The following STARD3NL variants were observed in gnomAD, a reference collection of about 807,000 sequenced individuals.
The protein encoded by STARD3NL is STARD3 N-terminal like.
STARD3NL carries 17 observed loss-of-function variants against 30.9 expected under a neutral mutation model. That is an observed-to-expected ratio of 0.55 (90% CI 0.38 to 0.82). The LOEUF (loss-of-function observed/expected upper bound fraction) is 0.82, where lower values mean the gene tolerates loss of function less well. Among genes scored for constraint, STARD3NL ranks in the 40% least tolerant of loss-of-function variants. The pLI, the probability that STARD3NL is intolerant of heterozygous loss-of-function variation, is 0.00. For missense variants in STARD3NL, 234 were observed against 277.6 expected (o/e 0.84, Z 1.12); for synonymous variants, 112 against 100.5 (o/e 1.11, Z -0.69).
intron 1 of STARD3NL, among the ~76,000 whole-genome samples, chr7:38,189,603 G>A (rs1784600200): frequency 6.6e-6 from 1 of 152,216 alleles, no homozygotes. Context: ...ATTGGATGAT[G>A]TGACTCCACT....
intron 2 of STARD3NL, among the ~76,000 whole-genome samples, chr7:38,213,617 T>C (rs1785935149): frequency 6.6e-6 from 1 of 152,212 alleles, no homozygotes; most frequent in Admixed American, 6.5e-5. Flanking sequence ...ACAGTTACCC[T>C]GCTTGGGTGC....
rs187800870 is a variant in STARD3NL, at chr7:38,205,302, T to C, written c.-58-2145T>C. Among the ~76,000 whole-genome samples the C allele has an allele frequency of 1.7e-3, 264 of 152,356 alleles. 1 individual carries two copies. The highest frequency in any genetic ancestry group is 6.2e-3 in the African/African-American group (257 of 41,588). On this transcript the variant is annotated intron_variant, in intron 1 of 8. Coordinates refer to ENST00000009041, the MANE Select transcript of STARD3NL (RefSeq NM_032016.4). Reference sequence around the variant, plus strand: ...GCTTATCCACCATGATCAATTGGGCTTCATCCCTGGGATGCAAGGCTGGTT... The same window carrying C: ...GCTTATCCACCATGATCAATTGGGCCTCATCCCTGGGATGCAAGGCTGGTT...
chr7:38,225,786 G>T (rs140634520), intron 7 of STARD3NL, among the ~76,000 whole-genome samples: 52 of 152,138 alleles, frequency 3.4e-4, no homozygotes, highest in African/African-American at 1.2e-3. Flanking sequence ...TTGCTTTAGT[G>T]ATATCACATG....
chr7:38,184,676 A>G (rs1408606044), intron 1 of STARD3NL, among the ~76,000 whole-genome samples: 3 of 146,728 alleles, frequency 2.0e-5, no homozygotes, highest in African/African-American at 7.4e-5. Flanking sequence ...TATATACTAT[A>G]TATATAATAT....
chr7:38,188,331 G>T (rs573658131), intron 1 of STARD3NL, among the ~76,000 whole-genome samples: 1 of 152,232 alleles, frequency 6.6e-6, no homozygotes, highest in East Asian at 1.9e-4. Flanking sequence ...TTTTGCCCCT[G>T]TTCTTCCCTC....
At chr7:38,214,321 C>A (rs781378827) in intron 2 of STARD3NL, 36 bp from the exon 3 acceptor site, 2 of 1,346,846 alleles carry the variant, frequency 1.5e-6, no homozygotes, top group Non-Finnish European at 2.1e-6. Context: ...CACACATAAA[C>A]CTCTCCTTGT....
chr7:38,197,148 C>CTTTCTTTCTT (rs1267453046), intron 1 of STARD3NL, among the ~76,000 whole-genome samples: 3 of 141,998 alleles, frequency 2.1e-5, no homozygotes, highest in Admixed American at 7.3e-5. Flanking sequence ...TTCTTTCTTT[C>CTTTCTTTCTT]TTTCTTTCTT....
At chr7:38,189,096 C>G (rs916071481) in intron 1 of STARD3NL, among the ~76,000 whole-genome samples, 2 of 150,878 alleles carry the variant, frequency 1.3e-5, no homozygotes, top group Non-Finnish European at 3.0e-5. Flanking sequence ...AAACAATGAC[C>G]AAACTTTAAC....
At chr7:38,216,860 TG>T in intron 4 of STARD3NL, 164 bp from the exon 5 acceptor site, 1 of 703,662 alleles carries the variant, frequency 1.4e-6, no homozygotes, top group Non-Finnish European at 2.4e-6. Context: ...TGCCCCAGTG[TG>T]GGTCTAGGGG....
intron 7 of STARD3NL, among the ~76,000 whole-genome samples, chr7:38,227,020 T>C (rs138873130): frequency 1.9e-3 from 292 of 152,324 alleles, no homozygotes; most frequent in African/African-American, 6.6e-3. Context: ...TTTGGTCATT[T>C]CTCCAGTGGT....
At chr7:38,184,912 G>A (rs147172421) in intron 1 of STARD3NL, among the ~76,000 whole-genome samples, 1 of 151,370 alleles carries the variant, frequency 6.6e-6, no homozygotes, top group Non-Finnish European at 1.5e-5. Context: ...TTGAGAGCAA[G>A]TTTTTCAAGA....
At chr7:38,221,837 T>A (rs77389773) in intron 7 of STARD3NL, among the ~76,000 whole-genome samples, 16,680 of 152,252 alleles carry the variant, frequency 0.11, 999 homozygotes, top group East Asian at 0.17. Context: ...TCTGAAAATG[T>A]TGTGCTCTAG....
intron 7 of STARD3NL, 47 bp downstream of exon 7, chr7:38,219,707 C>T: frequency 1.3e-6 from 2 of 1,492,226 alleles, no homozygotes; most frequent in Non-Finnish European, 1.9e-6. Flanking sequence ...CATTCAAAGG[C>T]TCTGCTCTTC....
At chr7:38,215,264 C>G (rs1330988704) in intron 4 of STARD3NL, 159 bp downstream of exon 4, 1 of 612,896 alleles carries the variant, frequency 1.6e-6, no homozygotes, top group South Asian at 2.0e-5. Context: ...AGGTTTAATA[C>G]TCCAGGGCTT....
chr7:38,182,346 G>A (rs1784283402), intron 1 of STARD3NL, among the ~76,000 whole-genome samples: 1 of 152,148 alleles, frequency 6.6e-6, no homozygotes, highest in Non-Finnish European at 1.5e-5. Flanking sequence ...TATAAATGTT[G>A]AAGGCACACT....
intron 7 of STARD3NL, among the ~76,000 whole-genome samples, chr7:38,224,494 G>C (rs1190549452): frequency 6.6e-6 from 1 of 152,184 alleles, no homozygotes; most frequent in East Asian, 1.9e-4. Context: ...AATATTAAAT[G>C]GAAAATTCCA....
intron 1 of STARD3NL, among the ~76,000 whole-genome samples, chr7:38,190,101 C>T (rs1050571516): frequency 1.3e-5 from 2 of 152,196 alleles, no homozygotes; most frequent in African/African-American, 4.8e-5. Context: ...ATGCCTGAAA[C>T]AACAGATAGT....
chr7:38,215,828 C>G (rs1786077576), intron 4 of STARD3NL: 1 of 152,182 alleles, frequency 6.6e-6, no homozygotes, highest in African/African-American at 2.4e-5. Flanking sequence ...GGTGAGAGCT[C>G]GGGTCTGGGT....
At chr7:38,180,900 G>C (rs1784218880) in intron 1 of STARD3NL, among the ~76,000 whole-genome samples, 1 of 152,092 alleles carries the variant, frequency 6.6e-6, no homozygotes, top group Non-Finnish European at 1.5e-5. Flanking sequence ...TTTTCACCCT[G>C]CTCATTTTCA....
Sources: gnomAD v4.1 joint callset for allele counts (sites outside exome capture counted in the v4.1 genomes callset) on GRCh38, gnomAD v4.1.1 for gene constraint, MANE v1.5 for transcripts, NCBI Gene and HGNC (gene_info 2026-07-23, HGNC 2026-07-21) for gene names.